Variants in GABRG3 observed in about 807,000 individuals in gnomAD.
GABRG3 encodes the protein gamma-aminobutyric acid type A receptor subunit gamma3.
Under a neutral mutation model 48.8 loss-of-function variants are expected in GABRG3, and 25 were observed. That is an observed-to-expected ratio of 0.51 (90% CI 0.37 to 0.72). The LOEUF (loss-of-function observed/expected upper bound fraction) is 0.72. GABRG3 is among the 30% of genes least tolerant of loss of function. GABRG3 has a pLI of 0.00. For synonymous variants in GABRG3, 227 were observed against 217.6 expected (o/e 1.04, Z -0.38); for missense variants, 394 against 577.9 (o/e 0.68, Z 3.26).
chr15:27,336,921 T>G (rs927630323), intron 5 of GABRG3, among the ~76,000 whole-genome samples: 1 of 152,230 alleles, frequency 6.6e-6, no homozygotes, highest in South Asian at 2.1e-4. Context: ...AGGTCACATA[T>G]GTGGGATCCC....
chr15:27,450,830 T>C lies in GABRG3; in HGVS notation c.575-29820T>C, dbSNP rs565271072. Among the ~76,000 whole-genome samples the C allele has an allele frequency of 2.2e-4, 34 of 152,262 alleles. 1 individual carries two copies. Among genetic ancestry groups the C allele is most frequent in the Middle Eastern group, 6.8e-3 (2 of 294 alleles). On this transcript the variant is annotated intron_variant, in intron 5 of 9. Coordinates refer to ENST00000615808, the MANE Select transcript of GABRG3 (RefSeq NM_033223.5). ...ATGTAGAAAACCCTAGTCCCCCAAA[T>C]TGTTAAAACTAATAAACAAATTCAG...
At chr15:27,072,990 C>G (rs1485282236) in intron 3 of GABRG3, among the ~76,000 whole-genome samples, 1 of 152,206 alleles carries the variant, frequency 6.6e-6, no homozygotes, top group East Asian at 1.9e-4. Context: ...TACTACCAAA[C>G]TAGCAACAAA....
At chr15:27,039,575 G>A (rs982259837) in intron 3 of GABRG3, among the ~76,000 whole-genome samples, 29 of 152,116 alleles carry the variant, frequency 1.9e-4, no homozygotes, top group Non-Finnish European at 3.5e-4. Context: ...TTATGAAGAC[G>A]CCACAAAGAG....
At chr15:27,338,844 G>C (rs962337473) in intron 5 of GABRG3, among the ~76,000 whole-genome samples, 1 of 152,368 alleles carries the variant, frequency 6.6e-6, no homozygotes, top group Non-Finnish European at 1.5e-5. Flanking sequence ...ACAGCAAACT[G>C]TATTTCATTC....
intron 3 of GABRG3, among the ~76,000 whole-genome samples, chr15:27,269,147 A>G (rs533898598): frequency 6.6e-6 from 1 of 152,284 alleles, no homozygotes; most frequent in Non-Finnish European, 1.5e-5. Context: ...GGACTACTGC[A>G]TCGCCTCTCC....
chr15:27,367,085 C>G (rs1895230736), intron 5 of GABRG3, among the ~76,000 whole-genome samples: 2 of 152,158 alleles, frequency 1.3e-5, no homozygotes, highest in Non-Finnish European at 2.9e-5. Context: ...CTCACATCCA[C>G]TGCTTTCCGC....
intron 4 of GABRG3, 76 bp from the exon 5 acceptor site, chr15:27,328,730 C>T: frequency 8.1e-7 from 1 of 1,240,738 alleles, no homozygotes. Context: ...TCCATCCCCA[C>T]ATGGGGTGCC....
intron 5 of GABRG3, among the ~76,000 whole-genome samples, chr15:27,378,491 T>C (rs1895668901): frequency 6.6e-6 from 1 of 152,196 alleles, no homozygotes; most frequent in Non-Finnish European, 1.5e-5. Flanking sequence ...ATTTACCCAC[T>C]GAGAATAAAT....
At chr15:27,079,663 AG>A (rs1384080576) in intron 3 of GABRG3, among the ~76,000 whole-genome samples, 1 of 152,188 alleles carries the variant, frequency 6.6e-6, no homozygotes, top group Non-Finnish European at 1.5e-5. Context: ...AGTGAGACCC[AG>A]CCTCGGGCCT....
At chr15:27,140,116 T>A (rs1042235277) in intron 3 of GABRG3, among the ~76,000 whole-genome samples, 1 of 152,092 alleles carries the variant, frequency 6.6e-6, no homozygotes, top group Non-Finnish European at 1.5e-5. Context: ...AATAAACCAG[T>A]AAAGGTAAGT....
chr15:27,158,287 T>C (rs1186272651), intron 3 of GABRG3: 1 of 152,162 alleles, frequency 6.6e-6, no homozygotes, highest in Non-Finnish European at 1.5e-5. Flanking sequence ...AATTAGACAC[T>C]GAAGGACATT....
At chr15:27,412,026 A>C (rs1887813179) in intron 5 of GABRG3, among the ~76,000 whole-genome samples, 1 of 151,820 alleles carries the variant, frequency 6.6e-6, no homozygotes, top group African/African-American at 2.4e-5. Context: ...ACTTCGTATA[A>C]TATTTATTTC....
At chr15:27,050,866 T>C (rs945320609) in intron 3 of GABRG3, among the ~76,000 whole-genome samples, 1 of 152,216 alleles carries the variant, frequency 6.6e-6, no homozygotes, top group African/African-American at 2.4e-5. Flanking sequence ...TAGCTGTACA[T>C]ATTTTGCTTA....
chr15:27,316,291 G>C (rs1285152283), intron 3 of GABRG3, among the ~76,000 whole-genome samples: 1 of 150,716 alleles, frequency 6.6e-6, no homozygotes, highest in African/African-American at 2.4e-5. Flanking sequence ...GGGAGGCTGA[G>C]GCAGGAGAAT....
At position 27,425,345 on chromosome 15, in the gene GABRG3, G is replaced by T. The variant is rs539004759; in HGVS notation, c.575-55305G>T. On this transcript the variant is annotated intron_variant, in intron 5 of 9. Coordinates refer to ENST00000615808, the MANE Select transcript of GABRG3 (RefSeq NM_033223.5). ...ATCCCTGACCTTGCAGTTAGTGTCAGAAGTGATGGTGGCCACTGGGAGGCC... is the reference window on the plus strand; with the variant it reads ...ATCCCTGACCTTGCAGTTAGTGTCATAAGTGATGGTGGCCACTGGGAGGCC... 4.8e-4 allele frequency among the ~76,000 whole-genome samples: 73 copies of T among 151,606 alleles called. 1 individual carries two copies. In the Middle Eastern group the frequency reaches 0.017, roughly 35 times the overall value.
At position 26,993,792 on chromosome 15, in the gene GABRG3, G is replaced by A. The variant is rs112006097; in HGVS notation, c.202+16642G>A. Among the ~76,000 whole-genome samples the A allele has an allele frequency of 1.3e-3, 198 of 152,146 alleles. 1 individual carries two copies. The highest frequency in any genetic ancestry group is 4.4e-3 in the African/African-American group (183 of 41,552). ...CTGGGAGATCTTTCAAGTGTTGAAA[G>A]TGGGGCATTGAAGTCTCCAGCTATT... On this transcript the variant is annotated intron_variant, in intron 2 of 9. Coordinates refer to ENST00000615808, the MANE Select transcript of GABRG3 (RefSeq NM_033223.5).
At chr15:27,139,802 C>T (rs1409414495) in intron 3 of GABRG3, among the ~76,000 whole-genome samples, 1 of 152,162 alleles carries the variant, frequency 6.6e-6, no homozygotes, top group Non-Finnish European at 1.5e-5. Context: ...AGGATGGGGC[C>T]AGTGACCAGA....
intron 3 of GABRG3, among the ~76,000 whole-genome samples, chr15:27,124,000 C>A (rs991664915): frequency 7.9e-5 from 12 of 152,130 alleles, no homozygotes; most frequent in African/African-American, 2.7e-4. Flanking sequence ...CTCAGCCCTG[C>A]CTTGGAAGCC....
chr15:27,294,586 T>C (rs1476244817), intron 3 of GABRG3, among the ~76,000 whole-genome samples: 1 of 152,250 alleles, frequency 6.6e-6, no homozygotes, highest in South Asian at 2.1e-4. Flanking sequence ...CAGTGGTTCT[T>C]ACGGGGTTGT....
Sources: allele counts gnomAD v4.1 joint callset (sites outside exome capture counted in the v4.1 genomes callset), GRCh38; gene constraint gnomAD v4.1.1; transcripts MANE v1.5; gene names NCBI Gene and HGNC (gene_info 2026-07-23, HGNC 2026-07-21).